Variants in ZFR2 observed in about 807,000 individuals in gnomAD.
ZFR2 encodes zinc finger RNA binding protein 2.
Under a neutral mutation model 105.7 loss-of-function variants are expected in ZFR2, and 104 were observed. The observed-to-expected ratio is 0.98, with a 90% CI of 0.84 to 1.16. ZFR2 has a LOEUF of 1.16. Ranked by LOEUF, ZFR2 falls within the 50% of genes most tolerant of loss-of-function variation. ZFR2 has a pLI of 0.00. For synonymous variants in ZFR2, 634 were observed against 597.7 expected, an observed-to-expected ratio of 1.06 and a Z score of -0.89; for missense variants, 1,425 against 1,355.5, an observed-to-expected ratio of 1.05 and a Z score of -0.80.
In ZFR2 at chr19:3,835,391, T is replaced by C. The variant is rs181371450; in HGVS notation, c.54-408A>G. Reference sequence around the variant, plus strand: ...CCCAGGATGGAGTGCAGTGGCACGATCTTAGCTCACTGCAACCTCCGCCTC... The same window carrying C: ...CCCAGGATGGAGTGCAGTGGCACGACCTTAGCTCACTGCAACCTCCGCCTC... On this transcript the variant is annotated intron_variant, in intron 1 of 18. Coordinates refer to ENST00000262961, the MANE Select transcript of ZFR2 (RefSeq NM_015174.2). Among the ~76,000 whole-genome samples the C allele has an allele frequency of 1.6e-3, 249 of 152,040 alleles. 2 individuals carry two copies. Among genetic ancestry groups the C allele is most frequent in the African/African-American group, 5.9e-3 (244 of 41,506 alleles).
At chr19:3,825,956 A>G (rs2037944980) in intron 6 of ZFR2, among the ~76,000 whole-genome samples, 1 of 151,904 alleles carries the variant, frequency 6.6e-6, no homozygotes, top group Non-Finnish European at 1.5e-5. Flanking sequence ...TGTGCTGGGG[A>G]CCATCTCAGA....
chr19:3,843,369 G>A (rs1158735192), intron 1 of ZFR2, among the ~76,000 whole-genome samples: 1 of 152,124 alleles, frequency 6.6e-6, no homozygotes, highest in Non-Finnish European at 1.5e-5. Context: ...TACTCAAGAG[G>A]CTGAGCTGGG....
intron 6 of ZFR2, among the ~76,000 whole-genome samples, 185 bp from the exon 7 acceptor site, chr19:3,825,592 G>A (rs1263113075): frequency 1.3e-5 from 2 of 152,188 alleles, no homozygotes; most frequent in Non-Finnish European, 2.9e-5. Flanking sequence ...CTTCCCAGGT[G>A]GCCTCCTGCC....
chr19:3,810,439 G>A (rs1317831183), intron 16 of ZFR2, among the ~76,000 whole-genome samples: 4 of 152,246 alleles, frequency 2.6e-5, no homozygotes, highest in African/African-American at 4.8e-5. Context: ...TGGGGAGTCC[G>A]GCTTCCGCCC....
At chr19:3,860,959 C>G (rs956017231) in intron 1 of ZFR2, among the ~76,000 whole-genome samples, 1 of 152,188 alleles carries the variant, frequency 6.6e-6, no homozygotes, top group African/African-American at 2.4e-5. Context: ...AACCACCAAC[C>G]TGGACTCAAC....
At chr19:3,832,041 T>G (rs185910466) in intron 3 of ZFR2, among the ~76,000 whole-genome samples, 163 bp from the exon 4 acceptor site, 5 of 152,242 alleles carry the variant, frequency 3.3e-5, no homozygotes, top group African/African-American at 1.2e-4. Context: ...GCAGGTTACC[T>G]TGTGCCCACC....
chr19:3,818,215 C>T (rs1025726643), intron 12 of ZFR2, among the ~76,000 whole-genome samples: 10 of 152,226 alleles, frequency 6.6e-5, no homozygotes, highest in African/African-American at 1.2e-4. Context: ...CCCGTAATCC[C>T]GGCACTTTGG....
Position 3,819,089 on chromosome 19 carries a change from G to C in ZFR2, c.1887C>G (p.Ala629=), listed in dbSNP as rs374257717. The change falls in exon 12 of 19, where the codon GCC becomes GCG. Residue 629 remains alanine (A), a synonymous_variant. Transcript: ENST00000262961. ...CCTCTCGGCGGCCCCGGTCCTCCTC[G>C]GCCAGTGTGTCGGACACCAGCTTGA... The part of the protein sequence containing the change: ...RALKLVSDTL[A]EEDRGRREEE... 1 of 1,612,314 alleles carries C rather than the reference G, an allele frequency of 6.2e-7. No homozygotes were observed. Among genetic ancestry groups the C allele is most frequent in the East Asian group, 2.2e-5 (1 of 44,882 alleles).
chr19:3,818,395 G>C (rs1003762345), intron 12 of ZFR2, among the ~76,000 whole-genome samples: 3 of 152,104 alleles, frequency 2.0e-5, no homozygotes, highest in Admixed American at 2.0e-4. Context: ...TGAGCCCGGG[G>C]GTCTGAGGGT....
intron 1 of ZFR2, chr19:3,855,617 G>C (rs1804781318): frequency 2.2e-6 from 1 of 447,512 alleles, no homozygotes. Context: ...CGATCTGATG[G>C]TTCTCATGCC....
Position 3,850,900 on chromosome 19 carries a change from CAA to C in ZFR2, c.54-15919_54-15918del, listed in dbSNP as rs59933286. Among the ~76,000 whole-genome samples the C allele has an allele frequency of 5.4e-3, 495 of 92,486 alleles. 3 individuals are homozygous for C. Among genetic ancestry groups the C allele is most frequent in the African/African-American group, 0.023 (455 of 20,160 alleles). The allele number at this position is 92,486 out of a possible 152,430, so 60.7% of individuals were successfully genotyped here. ...AACCTGGATGACAGGGCAGTCTTTT[CAA>C]AAAAAAAAAAAAAAAAAAAAAGAGA... On this transcript the variant is annotated intron_variant, in intron 1 of 18. Coordinates refer to ENST00000262961, the MANE Select transcript of ZFR2 (RefSeq NM_015174.2).
chr19:3,837,474 C>T lies in ZFR2; in HGVS notation c.54-2491G>A, dbSNP rs933529599. 4.0e-5 allele frequency among the ~76,000 whole-genome samples: 6 copies of T among 149,298 alleles called. No homozygotes were observed. The East Asian group carries it at 1.0e-3, about 25-fold the overall frequency. ...ATGAACACCATGACTATGGGACACT[C>T]AAACACCATGACCATGACACTCAAT... On this transcript the variant is annotated intron_variant, in intron 1 of 18. Coordinates refer to ENST00000262961, the MANE Select transcript of ZFR2 (RefSeq NM_015174.2).
intron 1 of ZFR2, among the ~76,000 whole-genome samples, chr19:3,854,812 A>G (rs903189039): frequency 2.6e-5 from 4 of 152,230 alleles, no homozygotes; most frequent in African/African-American, 9.6e-5. Flanking sequence ...CACCCTGGCT[A>G]GAGTACAGTG....
intron 6 of ZFR2, among the ~76,000 whole-genome samples, chr19:3,826,110 C>G (rs972165890): frequency 1.3e-5 from 2 of 152,160 alleles, no homozygotes; most frequent in African/African-American, 4.8e-5. Context: ...AGCTCTGCCC[C>G]ACCGGCCCCT....
chr19:3,846,016 G>A (rs561011367), intron 1 of ZFR2, among the ~76,000 whole-genome samples: 5 of 152,230 alleles, frequency 3.3e-5, no homozygotes, highest in East Asian at 1.9e-4. Flanking sequence ...TTGCTCTGTC[G>A]CCAAGGCTGG....
At chr19:3,818,959 TA>T in intron 12 of ZFR2, 85 bp downstream of exon 12, 1 of 1,494,726 alleles carries the variant, frequency 6.7e-7, no homozygotes, top group Admixed American at 2.2e-5. Flanking sequence ...CCATCAGAGC[TA>T]GGGGTTCCTG....
Position 3,816,731 on chromosome 19 carries a change from C to T in ZFR2, c.2046G>A (p.Glu682=), listed in dbSNP as rs774712872. 1.9e-6 allele frequency: 3 copies of T among 1,612,512 alleles called. No individual in the cohort carries two copies. ...TCCGCAGCAGGCTGTGCGTGGGCTT[C>T]TCGGAGCAGAGCAGAGCGAGGCGCA... ...RNVRLALLCS[E]KPTHSLLRRI... is the part of the protein sequence containing the mutation. The change falls in exon 13 of 19, where the codon GAG becomes GAA. Residue 682 remains glutamate, a synonymous_variant. Transcript: ENST00000262961.
In ZFR2 at chr19:3,831,847, G is replaced by A. The variant is rs1568425203; in HGVS notation, c.411C>T (p.Pro137=). 2 of 1,599,316 alleles carry A rather than the reference G, an allele frequency of 1.3e-6. No homozygotes were observed. Among genetic ancestry groups the A allele is most frequent in the Non-Finnish European group, 1.7e-6 (2 of 1,175,862 alleles). ...GTQEACGQPS[P]HGSHSHAQPP... ...GCTGAGCGTGGCTGTGACTGCCATGGGGGCTGGGCTGCCCGCAGGCTTCTT... is the reference window on the plus strand; with the variant it reads ...GCTGAGCGTGGCTGTGACTGCCATGAGGGCTGGGCTGCCCGCAGGCTTCTT... The change falls in exon 4 of 19, where the codon CCC becomes CCT. Residue 137 remains proline (P), a synonymous_variant. Coordinates refer to ENST00000262961, the MANE Select transcript of ZFR2 (RefSeq NM_015174.2).
rs765439416 is a variant in ZFR2 at position 3,833,763 on chromosome 19, C to G, written c.280G>C (p.Gly94Arg). The G allele has an allele frequency of 1.3e-6, 2 of 1,576,612 alleles. No individual in the cohort carries two copies. The highest frequency in any genetic ancestry group is 1.7e-6 in the Non-Finnish European group (2 of 1,160,718). Residue 94 changes from glycine to arginine, a missense_variant, in exon 3 of 19, where the codon GGA becomes CGA. Gly to Arg is a moderately radical substitution (Grantham distance 125, BLOSUM62 -2). Coordinates refer to ENST00000262961, the MANE Select transcript of ZFR2 (RefSeq NM_015174.2). ...TAGCTCCTGGCAGCTGCTGACTGTCCGTAGCTGTAACTGTCCTATGTGGGG... is the reference window on the plus strand; with the variant it reads ...TAGCTCCTGGCAGCTGCTGACTGTCGGTAGCTGTAACTGTCCTATGTGGGG... The part of the protein sequence containing the change: ...MATYQDSYSY[G>R]QSAAARSYED...
Sources: allele counts gnomAD v4.1 joint callset (sites outside exome capture counted in the v4.1 genomes callset), GRCh38; gene constraint gnomAD v4.1.1; transcripts MANE v1.5; gene names NCBI Gene and HGNC (gene_info 2026-07-23, HGNC 2026-07-21).